IMMP2L: variants seen among roughly 807,000 people sequenced by gnomAD.
IMMP2L encodes the protein inner mitochondrial membrane peptidase subunit 2, also known as mitochondrial inner membrane protease subunit 2.
In IMMP2L, 18 loss-of-function variants were observed where a neutral mutation model predicts 19.3. The ratio of observed to expected loss-of-function variants is 0.93; its 90% CI spans 0.64 to 1.38. The LOEUF (loss-of-function observed/expected upper bound fraction) is 1.38, where lower values mean the gene tolerates loss of function less well. IMMP2L is among the 40% of genes most tolerant of loss of function. The probability of loss-of-function intolerance (pLI) is 0.00; values close to 1 mark genes in which losing one functional copy is unlikely to be tolerated. For synonymous variants in IMMP2L, 76 were observed against 73.0 expected, an observed-to-expected ratio of 1.04 and a Z score of -0.21; for missense variants, 233 against 218.2, an observed-to-expected ratio of 1.07 and a Z score of -0.43.
intron 5 of IMMP2L, among the ~76,000 whole-genome samples, chr7:110,706,806 T>A (rs1340954332): frequency 6.6e-6 from 1 of 152,112 alleles, no homozygotes; most frequent in African/African-American, 2.4e-5. Context: ...GCCTGCTTAC[T>A]CTATTGATAG....
intron 5 of IMMP2L, among the ~76,000 whole-genome samples, chr7:110,704,553 C>A (rs535758146): frequency 1.8e-4 from 28 of 152,196 alleles, no homozygotes; most frequent in South Asian, 4.1e-4. Flanking sequence ...TCAAACTGCC[C>A]TACCAGAAGT....
At position 111,324,030 on chromosome 7, in the gene IMMP2L, C is replaced by A. The variant is rs549326036; in HGVS notation, c.239+163208G>T. 1.9e-4 allele frequency among the ~76,000 whole-genome samples: 29 copies of A among 151,926 alleles called. 1 individual carries two copies. In the East Asian group the frequency reaches 2.7e-3, roughly 14 times the overall value. On this transcript the variant is annotated intron_variant, in intron 3 of 5. Transcript: ENST00000405709. ...TGGGGAGGGATAGCATTAGGAGATA[C>A]ACCTAATGTTAAATGATGAGTTAAT...
intron 5 of IMMP2L, among the ~76,000 whole-genome samples, chr7:110,707,004 A>ATTT (rs60393281): frequency 0.24 from 26,877 of 113,606 alleles, 4,137 homozygotes; most frequent in East Asian, 0.58. Flanking sequence ...TTTTTTTTTA[A>ATTT]TTTTTTTTTT....
In IMMP2L at chr7:111,560,496, T is replaced by C. The variant is rs565232452; in HGVS notation, c.-3+1355A>G. On this transcript the variant is annotated intron_variant, in intron 1 of 5. Transcript: ENST00000405709. ...GGAAAATGACTATAACATTATTCAT[T>C]ATAGGAAACAAATCATCAAGGTCAG... Among the ~76,000 whole-genome samples the C allele has an allele frequency of 1.3e-3, 191 of 152,336 alleles. 2 individuals are homozygous for C. Among genetic ancestry groups the C allele is most frequent in the Middle Eastern group, 0.01 (3 of 294 alleles).
intron 3 of IMMP2L, among the ~76,000 whole-genome samples, chr7:111,156,017 C>T (rs1207537374): frequency 2.0e-5 from 3 of 152,054 alleles, no homozygotes; most frequent in Admixed American, 6.6e-5. Context: ...TGAGATTTAT[C>T]CATGTTCTTT....
At chr7:111,149,411 C>G (rs1803836732) in intron 3 of IMMP2L, among the ~76,000 whole-genome samples, 1 of 152,076 alleles carries the variant, frequency 6.6e-6, no homozygotes, top group Admixed American at 6.6e-5. Flanking sequence ...GGTGTCAACC[C>G]CCATGCAGTT....
chr7:111,099,035 G>T (rs1797692165), intron 3 of IMMP2L, among the ~76,000 whole-genome samples: 1 of 151,426 alleles, frequency 6.6e-6, no homozygotes, highest in Non-Finnish European at 1.5e-5. Context: ...TCTGAGTTTT[G>T]CTATCCACTA....
intron 3 of IMMP2L, among the ~76,000 whole-genome samples, chr7:110,976,813 C>T (rs758433932): frequency 4.6e-5 from 7 of 151,690 alleles, no homozygotes; most frequent in African/African-American, 7.3e-5. Context: ...CCTACATGTT[C>T]AATAAAGACC....
intron 3 of IMMP2L, among the ~76,000 whole-genome samples, chr7:111,480,650 T>G (rs75506576): frequency 0.021 from 3,018 of 143,974 alleles, 59 homozygotes; most frequent in Admixed American, 0.041. Context: ...TCATCCTCCC[T>G]AAAGAATCTT....
At chr7:111,400,875 T>C (rs1008707546) in intron 3 of IMMP2L, among the ~76,000 whole-genome samples, 3 of 151,754 alleles carry the variant, frequency 2.0e-5, no homozygotes, top group Non-Finnish European at 4.4e-5. Flanking sequence ...GTTTCCATAA[T>C]GATCAACAGA....
chr7:111,513,191 G>A (rs1182628767), intron 2 of IMMP2L, among the ~76,000 whole-genome samples: 1 of 151,754 alleles, frequency 6.6e-6, no homozygotes, highest in Non-Finnish European at 1.5e-5. Context: ...CTATGGAATG[G>A]AAGAAAATAT....
At chr7:111,330,894 T>C (rs536049626) in intron 3 of IMMP2L, among the ~76,000 whole-genome samples, 3 of 151,980 alleles carry the variant, frequency 2.0e-5, no homozygotes, top group East Asian at 1.9e-4. Context: ...CTTACACTTA[T>C]CAGAATGGCT....
rs759689541 is a variant in IMMP2L at position 110,663,727 on chromosome 7, T to C, written c.409-6A>G. The C allele has an allele frequency of 1.7e-5, 27 of 1,556,026 alleles. No homozygotes were observed. Among genetic ancestry groups the C allele is most frequent in the Non-Finnish European group, 2.2e-5 (25 of 1,153,688 alleles). On this transcript the variant is annotated splice_region_variant and splice_polypyrimidine_tract_variant and intron_variant, in intron 5 of 5. Coordinates refer to ENST00000405709, the MANE Select transcript of IMMP2L (RefSeq NM_032549.4). ...TGCAGAAGTCCTAGGGAAACCTTAATTCATGAGAAACAGAAAGAAAGCAAT... is the reference window on the plus strand; with the variant it reads ...TGCAGAAGTCCTAGGGAAACCTTAACTCATGAGAAACAGAAAGAAAGCAAT...
intron 3 of IMMP2L, among the ~76,000 whole-genome samples, chr7:110,968,131 C>T (rs184439402): frequency 3.3e-5 from 5 of 152,096 alleles, no homozygotes; most frequent in Admixed American, 1.3e-4. Flanking sequence ...TGTAAGTGAG[C>T]TGCTCCCTGT....
At chr7:110,928,351 GCACACACACACA>G (rs58639346) in intron 4 of IMMP2L, among the ~76,000 whole-genome samples, 1,664 of 117,096 alleles carry the variant, frequency 0.014, 37 homozygotes, top group East Asian at 0.039. Context: ...ATATGTACCT[GCACACACACACA>G]CACACACACA....
intron 3 of IMMP2L, among the ~76,000 whole-genome samples, chr7:111,297,299 A>G (rs1821740722): frequency 6.6e-6 from 1 of 152,130 alleles, no homozygotes; most frequent in Non-Finnish European, 1.5e-5. Flanking sequence ...AAATTACACA[A>G]GATGTTATCA....
chr7:111,032,276 G>C (rs1012179722), intron 3 of IMMP2L, among the ~76,000 whole-genome samples: 2 of 152,040 alleles, frequency 1.3e-5, no homozygotes, highest in African/African-American at 4.8e-5. Flanking sequence ...TGGAAAAGCA[G>C]ATCAATAGAA....
chr7:110,702,082 T>A (rs10236371), intron 5 of IMMP2L, among the ~76,000 whole-genome samples: 132,421 of 151,908 alleles, frequency 0.87, 57,889 homozygotes, highest in Non-Finnish European at 0.89. Flanking sequence ...GGTGCATGCC[T>A]CTATCCCAGC....
Position 111,213,801 on chromosome 7 carries a change from C to G in IMMP2L, c.240-250236G>C, listed in dbSNP as rs943059729. 1.3e-5 allele frequency among the ~76,000 whole-genome samples: 2 copies of G among 152,154 alleles called. No individual in the cohort carries two copies. The highest frequency in any genetic ancestry group is 4.8e-5 in the African/African-American group (2 of 41,426). ...AGCGCTGAACATTTGAAGGAATGAC[C>G]TGCCTGCGGAGAGCTATCCAACGTG... On this transcript the variant is annotated intron_variant, in intron 3 of 5. Coordinates refer to ENST00000405709, the MANE Select transcript of IMMP2L (RefSeq NM_032549.4). The surrounding 1 kb of genome is among the most constrained non-coding windows in gnomAD (Gnocchi z 4.8).
Sources: gnomAD v4.1 joint callset for allele counts (sites outside exome capture counted in the v4.1 genomes callset) on GRCh38, gnomAD v4.1.1 for gene constraint, Gnocchi (gnomAD v3.1) non-coding constraint, MANE v1.5 for transcripts, NCBI Gene and HGNC (gene_info 2026-07-23, HGNC 2026-07-21) for gene names.